The following TTBK2 variants were observed in gnomAD, a reference collection of about 807,000 sequenced individuals.
TTBK2 encodes tau tubulin kinase 2.
Under a neutral mutation model 110.8 loss-of-function variants are expected in TTBK2, and 28 were observed. That is an observed-to-expected ratio of 0.25 (90% CI 0.19 to 0.35). The LOEUF (loss-of-function observed/expected upper bound fraction) is 0.35, where lower values mean the gene tolerates loss of function less well. TTBK2 is among the 10% of genes least tolerant of loss of function. The probability of loss-of-function intolerance (pLI) is 1.00; values close to 1 mark genes in which losing one functional copy is unlikely to be tolerated. For missense variants in TTBK2, 1,369 were observed against 1,500.3 expected (o/e 0.91, Z 1.45); for synonymous variants, 532 against 527.3 (o/e 1.01, Z -0.12).
chr15:42,830,639 A>C (rs1892720185), intron 4 of TTBK2, among the ~76,000 whole-genome samples: 1 of 151,896 alleles, frequency 6.6e-6, no homozygotes. Context: ...ATAACAAAAA[A>C]GTCTTGATTA....
intron 4 of TTBK2, among the ~76,000 whole-genome samples, chr15:42,837,995 G>A (rs1298544685): frequency 6.6e-6 from 1 of 152,014 alleles, no homozygotes; most frequent in Non-Finnish European, 1.5e-5. Context: ...ATCGCCTGAG[G>A]TTAGGAGTTT....
Position 42,740,283 on chromosome 15 carries a change from T to C in TTBK2, c.*5512A>G, listed in dbSNP as rs1334797435. 6.6e-6 allele frequency: 1 copy of C among 152,238 alleles called. No homozygotes were observed. Among genetic ancestry groups the C allele is most frequent in the African/African-American group, 2.4e-5 (1 of 41,462 alleles). The allele number at this position is 152,238 out of a possible 1,614,324, so 9.4% of individuals were successfully genotyped here. On this transcript the variant is annotated 3_prime_UTR_variant, in exon 15 of 15. Coordinates refer to ENST00000267890, the MANE Select transcript of TTBK2 (RefSeq NM_173500.4). ...ATGAAAGGAAAGGCTTCACTACTTT[T>C]ACATGTTACCTTAAGACCAAAGATC...
rs114933699 is a variant in TTBK2, at chr15:42,916,005, G to C, written c.-68+4433C>G. Among the ~76,000 whole-genome samples the C allele has an allele frequency of 5.2e-3, 773 of 148,760 alleles. 9 individuals are homozygous for C. Among genetic ancestry groups the C allele is most frequent in the African/African-American group, 0.019 (743 of 38,814 alleles). On this transcript the variant is annotated intron_variant, in intron 1 of 14. Coordinates refer to ENST00000267890, the MANE Select transcript of TTBK2 (RefSeq NM_173500.4). ...ATCCAGGAGAAATAGGGAGCAAAAA[G>C]AAAAAAGAAAAAAGAAAAGAGAGAG...
intron 13 of TTBK2, among the ~76,000 whole-genome samples, chr15:42,762,371 C>T (rs549615019): frequency 4.7e-4 from 72 of 152,210 alleles, no homozygotes; most frequent in South Asian, 8.3e-4. Flanking sequence ...TTCACAATAG[C>T]CAAGATATGG....
chr15:42,806,108 T>C (rs1247913703), intron 9 of TTBK2, among the ~76,000 whole-genome samples: 2 of 151,814 alleles, frequency 1.3e-5, no homozygotes, highest in African/African-American at 4.8e-5. Flanking sequence ...TACAAAAAAA[T>C]ACAAAAATTG....
In TTBK2 at chr15:42,880,956, G is replaced by T. The variant is rs377550668; in HGVS notation, c.-67-2272C>A. Among the ~76,000 whole-genome samples the T allele has an allele frequency of 3.9e-5, 6 of 152,058 alleles. No individual in the cohort carries two copies. In the East Asian group the frequency reaches 9.7e-4, roughly 24 times the overall value. ...AATAAAATAAACCATTGCATCCATT[G>T]CATACTGAGTTTGTGCCATAGTCAC... On this transcript the variant is annotated intron_variant, in intron 1 of 14. Coordinates refer to ENST00000267890, the MANE Select transcript of TTBK2 (RefSeq NM_173500.4).
At chr15:42,886,596 A>G (rs563834985) in intron 1 of TTBK2, among the ~76,000 whole-genome samples, 96 of 152,268 alleles carry the variant, frequency 6.3e-4, no homozygotes, top group African/African-American at 2.2e-3. Context: ...AAAACTCCAA[A>G]AATTAGATTC....
chr15:42,745,740 T>C lies in TTBK2; in HGVS notation c.*55A>G. 1.9e-6 allele frequency: 3 copies of C among 1,589,206 alleles called. No homozygotes were observed. The highest frequency in any genetic ancestry group is 2.6e-6 in the Non-Finnish European group (3 of 1,158,654). On this transcript the variant is annotated 3_prime_UTR_variant, in exon 15 of 15. Coordinates refer to ENST00000267890, the MANE Select transcript of TTBK2 (RefSeq NM_173500.4). ...TACATAGAAAGTACAGGGACACACA[T>C]GCATCAGGTTTAGGAGGAAGATCTC...
Position 42,740,223 on chromosome 15 carries a change from AGAG to A in TTBK2, c.*5569_*5571del, listed in dbSNP as rs922371791. The A allele has an allele frequency of 9.2e-5, 14 of 152,366 alleles. No individual in the cohort carries two copies. Among genetic ancestry groups the A allele is most frequent in the African/African-American group, 2.9e-4 (12 of 41,588 alleles). The allele number at this position is 152,366 out of a possible 1,614,324, so 9.4% of individuals were successfully genotyped here. On this transcript the variant is annotated 3_prime_UTR_variant, in exon 15 of 15. Coordinates refer to ENST00000267890, the MANE Select transcript of TTBK2 (RefSeq NM_173500.4). Reference sequence around the variant, plus strand: ...TACTACCACTAACGCTTCCAGCTGAAGAGGAGGCAGAAAACCGTTACATTGCAC... The same window carrying A: ...TACTACCACTAACGCTTCCAGCTGAAGAGGCAGAAAACCGTTACATTGCAC...
At position 42,816,118 on chromosome 15, in the gene TTBK2, A is replaced by ATATG. The variant is rs1235814767; in HGVS notation, c.603+913_603+914insCATA. Reference sequence around the variant, plus strand: ...TATATATATATATATATATATATATATGTGTATATTTTTTTTGAGACAGAG... The same window carrying ATATG: ...TATATATATATATATATATATATATATATGTGTGTATATTTTTTTTGAGACAGAG... On this transcript the variant is annotated intron_variant, in intron 7 of 14. Coordinates refer to ENST00000267890, the MANE Select transcript of TTBK2 (RefSeq NM_173500.4). 7.5e-4 allele frequency among the ~76,000 whole-genome samples: 78 copies of ATATG among 104,144 alleles called. 2 individuals carry two copies. Among genetic ancestry groups the ATATG allele is most frequent in the African/African-American group, 2.4e-3 (62 of 25,774 alleles). The allele number at this position is 104,144 out of a possible 152,430, so 68.3% of individuals were successfully genotyped here.
intron 1 of TTBK2, among the ~76,000 whole-genome samples, chr15:42,905,886 C>T (rs1234182051): frequency 1.3e-5 from 2 of 152,124 alleles, no homozygotes; most frequent in Non-Finnish European, 2.9e-5. Context: ...GCCTAGTATA[C>T]TGACTGTGCT....
intron 9 of TTBK2, among the ~76,000 whole-genome samples, chr15:42,797,971 C>T (rs1891019221): frequency 6.6e-6 from 1 of 152,090 alleles, no homozygotes; most frequent in South Asian, 2.1e-4. Flanking sequence ...GCAACCTTCG[C>T]CTCCCGGGTT....
At chr15:42,763,116 A>C (rs1216262614) in intron 13 of TTBK2, among the ~76,000 whole-genome samples, 1 of 116,286 alleles carries the variant, frequency 8.6e-6, no homozygotes, top group Non-Finnish European at 1.6e-5. Context: ...ATATATATAT[A>C]TACACATATA....
chr15:42,821,505 A>G (rs1892295672), intron 6 of TTBK2, among the ~76,000 whole-genome samples: 1 of 152,134 alleles, frequency 6.6e-6, no homozygotes, highest in South Asian at 2.1e-4. Context: ...CACAACTAAG[A>G]TATCAAATAT....
At chr15:42,861,324 AACATATTCTAAGATTGG>A (rs1240675459) in intron 3 of TTBK2, among the ~76,000 whole-genome samples, 1 of 152,158 alleles carries the variant, frequency 6.6e-6, no homozygotes, top group Non-Finnish European at 1.5e-5. Context: ...CTGCACATGG[AACATATTCTAAGATTGG>A]CCACATGCTA....
At chr15:42,779,341 G>A (rs895846008) in intron 11 of TTBK2, among the ~76,000 whole-genome samples, 4 of 151,622 alleles carry the variant, frequency 2.6e-5, no homozygotes, top group Non-Finnish European at 4.4e-5. Flanking sequence ...CCCAAGAGGT[G>A]GAGGCTGAAG....
At chr15:42,758,817 A>G (rs2061982722) in intron 13 of TTBK2, among the ~76,000 whole-genome samples, 2 of 152,200 alleles carry the variant, frequency 1.3e-5, no homozygotes, top group Non-Finnish European at 2.9e-5. Flanking sequence ...TGCCACTGCA[A>G]ACACCTACAA....
intron 1 of TTBK2, among the ~76,000 whole-genome samples, chr15:42,881,870 CAA>C (rs1409487734): frequency 7.6e-6 from 1 of 132,246 alleles, no homozygotes. Context: ...GACTCTGTCT[CAA>C]AAAAAAAAAT....
intron 3 of TTBK2, among the ~76,000 whole-genome samples, chr15:42,847,963 AG>A (rs1477349797): frequency 6.6e-6 from 1 of 152,138 alleles, no homozygotes; most frequent in East Asian, 1.9e-4. Flanking sequence ...CTCCCATTTC[AG>A]CCTCCCGAGC....
Sources: gnomAD v4.1 joint callset for allele counts (sites outside exome capture counted in the v4.1 genomes callset) on GRCh38, gnomAD v4.1.1 for gene constraint, MANE v1.5 for transcripts, NCBI Gene and HGNC (gene_info 2026-07-23, HGNC 2026-07-21) for gene names.